SLC35A5: variants seen among roughly 807,000 people sequenced by gnomAD.
SLC35A5 encodes UDP-sugar transporter protein SLC35A5.
Under a neutral mutation model 36.3 loss-of-function variants are expected in SLC35A5, and 28 were observed. The ratio of observed to expected loss-of-function variants is 0.77; its 90% CI spans 0.57 to 1.06. The LOEUF (loss-of-function observed/expected upper bound fraction) is 1.06. Ranked by LOEUF, SLC35A5 falls within the 50% of genes least tolerant of loss-of-function variation. The pLI, the probability that SLC35A5 is intolerant of heterozygous loss-of-function variation, is 0.00. For missense variants in SLC35A5, 521 were observed against 499.3 expected, an observed-to-expected ratio of 1.04 and a Z score of -0.41; for synonymous variants, 180 against 173.7, an observed-to-expected ratio of 1.04 and a Z score of -0.29.
rs1438172652 is a variant in SLC35A5 at position 112,582,691 on chromosome 3, A to G, written c.1230A>G (p.Arg410=). The G allele has an allele frequency of 3.7e-6, 6 of 1,612,664 alleles. No homozygotes were observed. The South Asian group carries it at 6.6e-5, about 18-fold the overall frequency. Residue 410 remains arginine, a synonymous_variant, in exon 7 of 7, where the codon AGA becomes AGG. Transcript: ENST00000492406. ...TTTAGGATGGAGAAGAACTAGAAAG[A>G]CTTACCAAACCCAAGAGTGATGAGT... ...RSSGDGEELE[R]LTKPKSDESD...
chr3:112,572,242 G>A (rs1233675612), intron 4 of SLC35A5, among the ~76,000 whole-genome samples: 6 of 152,030 alleles, frequency 3.9e-5, no homozygotes, highest in African/African-American at 7.2e-5. Context: ...GTGCCCGGCC[G>A]ACTTTCCACA....
At chr3:112,571,937 T>G (rs1312074551) in intron 4 of SLC35A5, among the ~76,000 whole-genome samples, 9 of 131,756 alleles carry the variant, frequency 6.8e-5, no homozygotes, top group South Asian at 2.7e-4. Context: ...TTTTTTTTTT[T>G]TTTTTTTTTT....
rs1451671780 is a variant in SLC35A5 at position 112,570,572 on chromosome 3, T to C, written c.262T>C (p.Trp88Arg). The part of the protein sequence containing the change: ...HQSRNLKYAS[W>R]KEFSDFMKWS... The stretch of plus-strand genomic sequence containing the variant: ...AAGTAGAAATTTGAAATATGCTTCC[T>C]GGAAGGAATTCTCTGATTTCATGAA... The change falls in exon 4 of 7, where the codon TGG becomes CGG. Residue 88 changes from tryptophan (W) to arginine (R), a missense_variant. By Grantham distance (101) the Trp-to-Arg change is moderately radical. Coordinates refer to ENST00000492406, the MANE Select transcript of SLC35A5 (RefSeq NM_017945.5). 1 of 1,609,740 alleles carries C rather than the reference T, an allele frequency of 6.2e-7. No individual in the cohort carries two copies. Among genetic ancestry groups the C allele is most frequent in the East Asian group, 2.2e-5 (1 of 44,734 alleles).
Position 112,582,846 on chromosome 3 carries a change from ATTC to A in SLC35A5, c.*113_*115del. The A allele has an allele frequency of 2.1e-6, 2 of 934,136 alleles. No individual in the cohort carries two copies. The highest frequency in any genetic ancestry group is 4.4e-5 in the Admixed American group (2 of 45,766). The allele number at this position is 934,136 out of a possible 1,614,324, so 57.9% of individuals were successfully genotyped here. A position where few individuals can be genotyped will look rare whatever the true frequency, so the allele number is the denominator to read the frequency against. ...ACCAGAAATGTTTCTAAATCCTAAT[ATTC>A]TTTGCATATATCTAGCTACTCCCTA... On this transcript the variant is annotated 3_prime_UTR_variant, in exon 7 of 7. Coordinates refer to ENST00000492406, the MANE Select transcript of SLC35A5 (RefSeq NM_017945.5).
chr3:112,572,813 C>T (rs1025289082), intron 4 of SLC35A5, among the ~76,000 whole-genome samples: 3 of 152,124 alleles, frequency 2.0e-5, no homozygotes, highest in East Asian at 1.9e-4. Flanking sequence ...TTCATCAAGC[C>T]GTCAGGCTGC....
At chr3:112,581,405 C>T (rs1243716929) in intron 6 of SLC35A5, 79 bp downstream of exon 6, 1 of 1,389,610 alleles carries the variant, frequency 7.2e-7, no homozygotes, top group Non-Finnish European at 9.7e-7. Context: ...AAAATAAAAT[C>T]AGTACTGATT....
At chr3:112,576,051 C>T (rs572392622) in intron 5 of SLC35A5, among the ~76,000 whole-genome samples, 34 of 152,008 alleles carry the variant, frequency 2.2e-4, no homozygotes, top group Admixed American at 1.4e-3. Context: ...TGAGCCACTA[C>T]GCCTGGCCTT....
intron 4 of SLC35A5, among the ~76,000 whole-genome samples, chr3:112,573,448 T>TGGTA: frequency 6.6e-6 from 1 of 152,208 alleles, no homozygotes; most frequent in Non-Finnish European, 1.5e-5. Context: ...ATTGATACAA[T>TGGTA]TCCTAGAATG....
intron 2 of SLC35A5, among the ~76,000 whole-genome samples, chr3:112,565,923 G>A (rs1312317781): frequency 2.6e-5 from 4 of 152,302 alleles, no homozygotes; most frequent in East Asian, 1.9e-4. Context: ...AGGGATAAGG[G>A]ATACTTGAAG....
intron 6 of SLC35A5, among the ~76,000 whole-genome samples, chr3:112,581,788 A>G (rs1014729598): frequency 3.3e-5 from 5 of 152,194 alleles, no homozygotes; most frequent in African/African-American, 1.2e-4. Context: ...AGTCCTGTTG[A>G]ATAGAAAGCC....
At chr3:112,579,194 G>A (rs1195489970) in intron 5 of SLC35A5, among the ~76,000 whole-genome samples, 1 of 152,158 alleles carries the variant, frequency 6.6e-6, no homozygotes, top group African/African-American at 2.4e-5. Context: ...TGATGATGCA[G>A]AAGGAAGACA....
At chr3:112,561,900 G>A, upstream of SLC35A5, 1 of 248,450 alleles carries the variant, frequency 4.0e-6, no homozygotes, top group South Asian at 4.8e-5. Flanking sequence ...CGCCCCTTCC[G>A]GCTTCCCTTC....
intron 2 of SLC35A5, among the ~76,000 whole-genome samples, chr3:112,567,340 C>G (rs1009853429): frequency 6.6e-5 from 10 of 152,114 alleles, no homozygotes; most frequent in Admixed American, 5.2e-4. Flanking sequence ...CTCGCTCTGT[C>G]TGGAGTGCAC....
rs113173253 is a variant in SLC35A5, at chr3:112,565,028, C to T, written c.130+1495C>T. On this transcript the variant is annotated intron_variant, in intron 2 of 6. Transcript: ENST00000492406. ...CCCCACAATTGAGGACACATACAAT[C>T]ATGATATGACCTTTAATGGTCTACT... 2.2e-3 allele frequency among the ~76,000 whole-genome samples: 336 copies of T among 152,298 alleles called. 3 individuals are homozygous for T. The highest frequency in any genetic ancestry group is 7.6e-3 in the African/African-American group (317 of 41,564).
At chr3:112,572,886 A>G (rs1576752850) in intron 4 of SLC35A5, among the ~76,000 whole-genome samples, 1 of 152,178 alleles carries the variant, frequency 6.6e-6, no homozygotes, top group African/African-American at 2.4e-5. Context: ...TCCACACTTC[A>G]CAGCCACTTT....
In SLC35A5 at chr3:112,581,098, G is replaced by A. The variant is rs72942023; in HGVS notation, c.981G>A (p.Leu327=). 1.6e-3 allele frequency: 2,649 copies of A among 1,613,936 alleles called. 27 individuals carry two copies. In the African/African-American group the frequency reaches 0.031, roughly 19 times the overall value. The change falls in exon 6 of 7, where the codon CTG becomes CTA. Residue 327 remains leucine, a synonymous_variant. Coordinates refer to ENST00000492406, the MANE Select transcript of SLC35A5 (RefSeq NM_017945.5). The stretch of plus-strand genomic sequence containing the variant: ...CAGTGGCTTTCATTCTGAAGTTCCT[G>A]GATAACATGTTCCATGTCTTGATGG... ...GLSVAFILKF[L]DNMFHVLMAQ...
upstream of SLC35A5, chr3:112,561,571 G>C (rs1176206250): frequency 1.9e-6 from 3 of 1,586,830 alleles, no homozygotes; most frequent in South Asian, 3.4e-5. Context: ...GGGATGGAAA[G>C]TGCAGCCGTG....
At chr3:112,571,876 A>C (rs36146261) in intron 4 of SLC35A5, among the ~76,000 whole-genome samples, 2 of 151,342 alleles carry the variant, frequency 1.3e-5, no homozygotes, top group African/African-American at 4.9e-5. Context: ...GACACAGCCA[A>C]ACCCTATCAA....
rs753182164 is a variant in SLC35A5 at position 112,582,668 on chromosome 3, T to A, written c.1210-3T>A. 1 of 1,610,764 alleles carries A rather than the reference T, an allele frequency of 6.2e-7. No homozygotes were observed. The highest frequency in any genetic ancestry group is 8.5e-7 in the Non-Finnish European group (1 of 1,177,630). ...TAATTACTGCTTTCATGTTTCCTTTTAGGATGGAGAAGAACTAGAAAGACT... is the reference window on the plus strand; with the variant it reads ...TAATTACTGCTTTCATGTTTCCTTTAAGGATGGAGAAGAACTAGAAAGACT... On this transcript the variant is annotated splice_region_variant and splice_polypyrimidine_tract_variant and intron_variant, in intron 6 of 6. Coordinates refer to ENST00000492406, the MANE Select transcript of SLC35A5 (RefSeq NM_017945.5).
Sources: allele counts gnomAD v4.1 joint callset (sites outside exome capture counted in the v4.1 genomes callset), GRCh38; gene constraint gnomAD v4.1.1; transcripts MANE v1.5; gene names NCBI Gene and HGNC (gene_info 2026-07-23, HGNC 2026-07-21).